The following COL24A1 variants were observed in gnomAD, a reference collection of about 807,000 sequenced individuals.
The protein encoded by COL24A1 is collagen alpha-1(XXIV) chain.
In COL24A1, 224 loss-of-function variants were observed where a neutral mutation model predicts 253.9. The ratio of observed to expected loss-of-function variants is 0.88; its 90% CI spans 0.79 to 0.99. The LOEUF (loss-of-function observed/expected upper bound fraction) is 0.99. Among genes scored for constraint, COL24A1 ranks in the 50% least tolerant of loss-of-function variants. The probability of loss-of-function intolerance (pLI) is 0.00; values close to 1 mark genes in which losing one functional copy is unlikely to be tolerated. For missense variants in COL24A1, 2,131 were observed against 2,068.5 expected (o/e 1.03, Z -0.59); for synonymous variants, 685 against 673.7 (o/e 1.02, Z -0.26).
intron 6 of COL24A1, among the ~76,000 whole-genome samples, chr1:86,090,779 A>C (rs1298582020): frequency 2.0e-5 from 3 of 152,136 alleles, no homozygotes; most frequent in Non-Finnish European, 2.9e-5. Context: ...ATATACTATT[A>C]AATTTTATAT....
intron 37 of COL24A1, among the ~76,000 whole-genome samples, chr1:85,851,321 T>C (rs1365274484): frequency 1.3e-5 from 2 of 152,134 alleles, no homozygotes; most frequent in African/African-American, 2.4e-5. Context: ...GATTCCATGT[T>C]ATTATCAAAC....
At chr1:86,006,179 A>G (rs1412411139) in intron 19 of COL24A1, among the ~76,000 whole-genome samples, 3 of 152,212 alleles carry the variant, frequency 2.0e-5, no homozygotes, top group Non-Finnish European at 4.4e-5. Context: ...CTTTATACAG[A>G]GAGGCAAAAG....
At chr1:86,123,383 T>C (rs1005236638) in intron 3 of COL24A1, among the ~76,000 whole-genome samples, 3 of 152,022 alleles carry the variant, frequency 2.0e-5, no homozygotes, top group Non-Finnish European at 4.4e-5. Flanking sequence ...TACACTTACT[T>C]TGCATCTCTC....
At chr1:85,973,104 A>C (rs1183983700) in intron 20 of COL24A1, among the ~76,000 whole-genome samples, 2 of 152,214 alleles carry the variant, frequency 1.3e-5, no homozygotes, top group Non-Finnish European at 2.9e-5. Flanking sequence ...AAAGTGAAAG[A>C]TTTTAAGTGT....
chr1:86,074,553 C>T (rs927052573), intron 7 of COL24A1, among the ~76,000 whole-genome samples: 2 of 152,130 alleles, frequency 1.3e-5, no homozygotes, highest in Admixed American at 1.3e-4. Context: ...ATCAATGAGA[C>T]AGAAAATTAA....
chr1:85,916,027 A>C (rs1353725045), intron 24 of COL24A1, among the ~76,000 whole-genome samples: 2 of 152,236 alleles, frequency 1.3e-5, no homozygotes. Flanking sequence ...TATTCTGCTT[A>C]GCCTATAGCA....
chr1:85,844,189 A>G (rs1676926280), intron 39 of COL24A1, among the ~76,000 whole-genome samples: 1 of 152,128 alleles, frequency 6.6e-6, no homozygotes, highest in Non-Finnish European at 1.5e-5. Context: ...CCTCAAAGAA[A>G]ATTTTAGTAA....
At chr1:85,745,092 C>T (rs1303368306) in intron 56 of COL24A1, among the ~76,000 whole-genome samples, 2 of 151,898 alleles carry the variant, frequency 1.3e-5, no homozygotes, top group African/African-American at 2.4e-5. Context: ...TTTTAAATTA[C>T]ACATTGAATC....
intron 24 of COL24A1, among the ~76,000 whole-genome samples, chr1:85,914,272 G>T (rs538479860): frequency 9.4e-5 from 14 of 149,604 alleles, no homozygotes; most frequent in African/African-American, 3.0e-4. Flanking sequence ...GACTATAATT[G>T]TCATGAGTAT....
intron 7 of COL24A1, among the ~76,000 whole-genome samples, chr1:86,074,563 A>G (rs1702115682): frequency 6.6e-6 from 1 of 152,192 alleles, no homozygotes; most frequent in South Asian, 2.1e-4. Flanking sequence ...CAGAAAATTA[A>G]TAAGGATATT....
chr1:85,857,814 G>A (rs926580151), intron 37 of COL24A1, among the ~76,000 whole-genome samples: 5 of 152,046 alleles, frequency 3.3e-5, no homozygotes, highest in African/African-American at 9.7e-5. Context: ...GCCATCCCCC[G>A]CAACCCCAAT....
intron 14 of COL24A1, among the ~76,000 whole-genome samples, chr1:86,026,499 T>C (rs1482336242): frequency 6.6e-6 from 1 of 152,192 alleles, no homozygotes; most frequent in Non-Finnish European, 1.5e-5. Flanking sequence ...GCATTTCCCT[T>C]GTTGCACTCA....
chr1:85,766,976 C>T (rs778417109), intron 53 of COL24A1, among the ~76,000 whole-genome samples: 4 of 151,784 alleles, frequency 2.6e-5, no homozygotes, highest in Non-Finnish European at 5.9e-5. Context: ...TGGTGATGGG[C>T]GCCTGTAGTC....
chr1:85,897,549 G>T lies in COL24A1; in HGVS notation c.2779-1140C>A, dbSNP rs535413386. Among the ~76,000 whole-genome samples the T allele has an allele frequency of 6.6e-5, 10 of 152,090 alleles. No individual in the cohort carries two copies. The South Asian group carries it at 1.0e-3, about 16-fold the overall frequency. ...TGGGAGATGGCAGGGGCACAGAAAA[G>T]GTAGAGAAAATACTACTGAAAATAT... On this transcript the variant is annotated intron_variant, in intron 28 of 59. Transcript: ENST00000370571.
intron 45 of COL24A1, among the ~76,000 whole-genome samples, chr1:85,821,994 T>C (rs116321111): frequency 0.011 from 1,682 of 152,310 alleles, 31 homozygotes; most frequent in African/African-American, 0.039. Context: ...TATAAGGAAG[T>C]AGCATGACAG....
intron 5 of COL24A1, among the ~76,000 whole-genome samples, chr1:86,098,068 C>A (rs1325057351): frequency 6.6e-6 from 1 of 152,124 alleles, no homozygotes; most frequent in Non-Finnish European, 1.5e-5. Flanking sequence ...CAACCAAAAA[C>A]AGGATACACT....
At chr1:86,016,521 T>C (rs531795844) in intron 19 of COL24A1, among the ~76,000 whole-genome samples, 85 of 152,340 alleles carry the variant, frequency 5.6e-4, no homozygotes, top group African/African-American at 1.9e-3. Context: ...CACATATCAA[T>C]ATGGGCATAT....
At chr1:85,773,382 A>C (rs976448389) in intron 53 of COL24A1, among the ~76,000 whole-genome samples, 1 of 152,178 alleles carries the variant, frequency 6.6e-6, no homozygotes, top group African/African-American at 2.4e-5. Flanking sequence ...TGAAGTTTGA[A>C]GTAGTTTTTT....
At chr1:85,994,411 G>GAAAA (rs56146912) in intron 19 of COL24A1, among the ~76,000 whole-genome samples, 3,152 of 141,550 alleles carry the variant, frequency 0.022, 42 homozygotes, top group Non-Finnish European at 0.028. Context: ...AAGTTATCCT[G>GAAAA]AAAAAAAAAA....
Sources: gnomAD v4.1 joint callset for allele counts (sites outside exome capture counted in the v4.1 genomes callset) on GRCh38, gnomAD v4.1.1 for gene constraint, MANE v1.5 for transcripts, NCBI Gene and HGNC (gene_info 2026-07-23, HGNC 2026-07-21) for gene names.